ASNS: variants seen among roughly 807,000 people sequenced by gnomAD.
ASNS encodes the protein asparagine synthetase (glutamine-hydrolyzing).
Under a neutral mutation model 62.6 loss-of-function variants are expected in ASNS, and 37 were observed. The ratio of observed to expected loss-of-function variants is 0.59; its 90% CI spans 0.45 to 0.78. The LOEUF (loss-of-function observed/expected upper bound fraction) is 0.78. Ranked by LOEUF, ASNS falls within the 30% of genes least tolerant of loss-of-function variation. ASNS has a pLI of 0.00. For synonymous variants in ASNS, 207 were observed against 237.9 expected, an observed-to-expected ratio of 0.87 and a Z score of 1.19; for missense variants, 520 against 682.4, an observed-to-expected ratio of 0.76 and a Z score of 2.65.
chr7:97,868,676 A>C (rs1792095529), intron 3 of ASNS, among the ~76,000 whole-genome samples: 1 of 152,222 alleles, frequency 6.6e-6, no homozygotes, highest in African/African-American at 2.4e-5. Flanking sequence ...AAAAATTCTA[A>C]GAGTCAATGA....
chr7:97,924,236 C>T, the ASNS span, among the ~76,000 whole-genome samples: 1 of 152,178 alleles, frequency 6.6e-6, no homozygotes, highest in African/African-American at 2.4e-5. Flanking sequence ...CAGGAATGTG[C>T]TTCATGTCTT....
At chr7:97,925,556 C>G in the ASNS span, among the ~76,000 whole-genome samples, 1 of 152,168 alleles carries the variant, frequency 6.6e-6, no homozygotes, top group Non-Finnish European at 1.5e-5. Context: ...CCACCACCAC[C>G]ATGAATGGTC....
intron 7 of ASNS, 142 bp downstream of exon 7, chr7:97,858,136 A>G: frequency 8.7e-7 from 1 of 1,148,224 alleles, no homozygotes; most frequent in South Asian, 1.6e-5. Flanking sequence ...CAGCCATTTC[A>G]TTCTATTTTA....
chr7:97,854,019 T>A (rs1791310462), intron 10 of ASNS, among the ~76,000 whole-genome samples: 1 of 152,248 alleles, frequency 6.6e-6, no homozygotes, highest in African/African-American at 2.4e-5. Context: ...CAGTTGTTTA[T>A]CCTGTACAGT....
At chr7:97,868,250 G>C (rs1792068013) in intron 3 of ASNS, among the ~76,000 whole-genome samples, 2 of 152,190 alleles carry the variant, frequency 1.3e-5, no homozygotes, top group South Asian at 2.1e-4. Flanking sequence ...AGAGGTTGCA[G>C]TAAGCCGAGA....
chr7:97,861,727 C>A (rs1791727932), intron 4 of ASNS, among the ~76,000 whole-genome samples: 1 of 152,186 alleles, frequency 6.6e-6, no homozygotes. Flanking sequence ...TGATAGGGAT[C>A]AAGTTAAATC....
the ASNS span, among the ~76,000 whole-genome samples, chr7:97,914,136 GTGGATGGATGGATGCATGGATGGA>G: frequency 1.5e-5 from 2 of 131,496 alleles, no homozygotes; most frequent in South Asian, 5.2e-4. Flanking sequence ...GGGTAGGTGG[GTGGATGGATGGATGCATGGATGGA>G]TGGATGGATG....
the ASNS span, among the ~76,000 whole-genome samples, chr7:97,879,535 T>C: frequency 2.0e-5 from 3 of 152,174 alleles, no homozygotes; most frequent in Admixed American, 6.5e-5. Context: ...TGAGCTGCCA[T>C]GTCATGAGTG....
the ASNS span, among the ~76,000 whole-genome samples, chr7:97,903,465 C>T: frequency 2.0e-5 from 3 of 152,086 alleles, no homozygotes; most frequent in South Asian, 2.1e-4. Flanking sequence ...TACACACATC[C>T]GGAGACCAAG....
the ASNS span, among the ~76,000 whole-genome samples, chr7:97,913,838 T>C: frequency 1.4e-5 from 2 of 143,736 alleles, no homozygotes; most frequent in Non-Finnish European, 3.0e-5. Flanking sequence ...GTGGATAGAT[T>C]GGTGGATGGA....
chr7:97,880,061 T>C, the ASNS span, among the ~76,000 whole-genome samples: 1 of 152,104 alleles, frequency 6.6e-6, no homozygotes, highest in African/African-American at 2.4e-5. Context: ...CAAATGTATT[T>C]CTGACAAATG....
chr7:97,861,023 C>T (rs1192335030), intron 4 of ASNS, among the ~76,000 whole-genome samples: 8 of 120,694 alleles, frequency 6.6e-5, no homozygotes, highest in African/African-American at 9.8e-5. Context: ...TCATTTGATC[C>T]TTTTTTTTTT....
chr7:97,904,039 T>C, the ASNS span, among the ~76,000 whole-genome samples: 2 of 152,124 alleles, frequency 1.3e-5, no homozygotes, highest in African/African-American at 2.4e-5. Context: ...CAAGAGTCCA[T>C]GGAATGTGGA....
At chr7:97,880,193 C>T in the ASNS span, among the ~76,000 whole-genome samples, 1 of 148,780 alleles carries the variant, frequency 6.7e-6, no homozygotes, top group African/African-American at 2.5e-5. Context: ...GGTGTGATCT[C>T]GGCTCACTGC....
the ASNS span, among the ~76,000 whole-genome samples, chr7:97,896,711 T>TATACAC: frequency 2.3e-5 from 1 of 44,264 alleles, no homozygotes; most frequent in African/African-American, 6.0e-5. Context: ...TGTATATATA[T>TATACAC]ACACACACAC....
chr7:97,920,414 G>A, the ASNS span, among the ~76,000 whole-genome samples: 90 of 143,212 alleles, frequency 6.3e-4, no homozygotes, highest in Admixed American at 4.5e-3. Context: ...AATGCCCCCC[G>A]GCCCTGGCTC....
the ASNS span, among the ~76,000 whole-genome samples, chr7:97,911,163 G>A: frequency 7.9e-5 from 12 of 151,988 alleles, no homozygotes; most frequent in East Asian, 1.9e-4. Context: ...ACGTAGGGGT[G>A]AATATCAGGA....
chr7:97,890,256 G>A, the ASNS span, among the ~76,000 whole-genome samples: 1 of 151,920 alleles, frequency 6.6e-6, no homozygotes, highest in Non-Finnish European at 1.5e-5. Context: ...AGATGAGATG[G>A]GTAAAGGCAT....
At chr7:97,916,069 CATG>C in the ASNS span, among the ~76,000 whole-genome samples, 1 of 152,168 alleles carries the variant, frequency 6.6e-6, no homozygotes, top group Non-Finnish European at 1.5e-5. Context: ...TGCTTGAAGT[CATG>C]ATAAGTATCC....
Sources: gnomAD v4.1 joint callset for allele counts (sites outside exome capture counted in the v4.1 genomes callset) on GRCh38, gnomAD v4.1.1 for gene constraint, MANE v1.5 for transcripts, NCBI Gene and HGNC (gene_info 2026-07-23, HGNC 2026-07-21) for gene names.